MYH3: variants seen among roughly 807,000 people sequenced by gnomAD.
The protein encoded by MYH3 is myosin-3.
MYH3 carries 130 observed loss-of-function variants against 238.0 expected under a neutral mutation model. The observed-to-expected ratio is 0.55, with a 90% CI of 0.47 to 0.63. The LOEUF is 0.63. Among genes scored for constraint, MYH3 ranks in the 30% least tolerant of loss-of-function variants. The probability of loss-of-function intolerance (pLI) is 0.00; values close to 1 mark genes in which losing one functional copy is unlikely to be tolerated. For missense variants in MYH3, 1,853 were observed against 2,374.9 expected (o/e 0.78, Z 4.57); for synonymous variants, 880 against 924.1 (o/e 0.95, Z 0.86).
chr17:10,636,962 G>A, intron 28 of MYH3, among the ~76,000 whole-genome samples: 1 of 151,850 alleles, frequency 6.6e-6, no homozygotes, highest in Non-Finnish European at 1.5e-5. Flanking sequence ...CATTGTCTTG[G>A]CTGTGACTGC....
chr17:10,655,318 C>A (rs557040774), intron 2 of MYH3, among the ~76,000 whole-genome samples: 1 of 152,318 alleles, frequency 6.6e-6, no homozygotes, highest in African/African-American at 2.4e-5. Flanking sequence ...CTATTTAACC[C>A]AAGCTCCTCA....
rs372498651 is a variant in MYH3 at position 10,630,782 on chromosome 17, A to G, written c.5287-324T>C. Among the ~76,000 whole-genome samples the G allele has an allele frequency of 5.3e-5, 8 of 151,880 alleles. 1 individual carries two copies. On this transcript the variant is annotated intron_variant, in intron 36 of 40. Transcript: ENST00000583535. ...AGGAGAGTTGCTTGAACCCAGGAGG[A>G]GGAGGTTGCAGTGAGCCGAGATCTC...
chr17:10,628,585 T>C lies in MYH3; in HGVS notation c.*68A>G. ...GAAAAAGAGTCACATGGACATTAAGTATCAATGGTCAGGAATCAAGAAAAT... is the reference window on the plus strand; with the variant it reads ...GAAAAAGAGTCACATGGACATTAAGCATCAATGGTCAGGAATCAAGAAAAT... On this transcript the variant is annotated 3_prime_UTR_variant, in exon 41 of 41. Coordinates refer to ENST00000583535, the MANE Select transcript of MYH3 (RefSeq NM_002470.4). 1 of 1,531,238 alleles carries C rather than the reference T, an allele frequency of 6.5e-7. No homozygotes were observed. Among genetic ancestry groups the C allele is most frequent in the Non-Finnish European group, 9.1e-7 (1 of 1,104,594 alleles). The allele number at this position is 1,531,238 out of a possible 1,614,324, so 94.9% of individuals were successfully genotyped here.
the MYH3 span, among the ~76,000 whole-genome samples, chr17:10,670,951 G>A: frequency 5.3e-5 from 8 of 152,188 alleles, no homozygotes; most frequent in East Asian, 1.9e-4. The surrounding 1 kb of genome is among the most constrained non-coding windows in gnomAD (Gnocchi z 7.0). Flanking sequence ...GTGCAGTGGC[G>A]CGATCTTGGC....
chr17:10,638,520 A>G (rs1176951651), intron 26 of MYH3, 88 bp from the exon 27 acceptor site: 1 of 1,540,032 alleles, frequency 6.5e-7, no homozygotes, highest in East Asian at 2.3e-5. Flanking sequence ...CCTTCCCATT[A>G]GACAAACTGA....
At chr17:10,675,984 C>T in the MYH3 span, 2 of 152,142 alleles carry the variant, frequency 1.3e-5, no homozygotes, top group East Asian at 1.9e-4. Flanking sequence ...AAATTATAAA[C>T]GAGTTTACAC....
In MYH3 at chr17:10,635,798, C is replaced by A. The variant is rs144799480; in HGVS notation, c.3912G>T (p.Arg1304Ser). The change falls in exon 29 of 41, where the codon AGG (arginine) becomes AGT (serine). Residue 1304 changes from arginine to serine, a missense_variant. Physicochemically the swap from Arg to Ser is moderately radical, Grantham distance 110 (BLOSUM62 -1). This residue lies in a region of MYH3 where 1,044 missense variants were observed against 1,192.6 expected (regional missense o/e 0.88). Coordinates refer to ENST00000583535, the MANE Select transcript of MYH3 (RefSeq NM_002470.4). ...TTTGCTGGGTAAAGGCTTGCTTGCT[C>A]CTGGAAAGTTGGGATACTATGCTTT... ...EKESIVSQLSRSKQAFTQQTE... is the reference protein window; with the variant it reads ...EKESIVSQLSSSKQAFTQQTE... The A allele has an allele frequency of 8.1e-5, 131 of 1,614,172 alleles. No homozygotes were observed. The highest frequency in any genetic ancestry group is 7.8e-5 in the Non-Finnish European group (92 of 1,180,028).
At chr17:10,641,655 C>T (rs2074273717) in intron 17 of MYH3, among the ~76,000 whole-genome samples, 1 of 152,004 alleles carries the variant, frequency 6.6e-6, no homozygotes, top group Non-Finnish European at 1.5e-5. Flanking sequence ...GCTGGGACTA[C>T]AGGCATATGC....
chr17:10,671,141 G>T, the MYH3 span, among the ~76,000 whole-genome samples: 3 of 152,096 alleles, frequency 2.0e-5, no homozygotes, highest in East Asian at 5.8e-4. Context: ...TGATCCGCCC[G>T]CCTTGGCTCC....
At position 10,632,695 on chromosome 17, in the gene MYH3, C is replaced by T. The variant is rs777029591; in HGVS notation, c.4737G>A (p.Glu1579=). 2.5e-6 allele frequency: 4 copies of T among 1,614,194 alleles called. No individual in the cohort carries two copies. Among genetic ancestry groups the T allele is most frequent in the Non-Finnish European group, 3.4e-6 (4 of 1,180,024 alleles). The change falls in exon 34 of 41, where the codon GAG becomes GAA. Residue 1579 remains glutamate, a synonymous_variant. Coordinates refer to ENST00000583535, the MANE Select transcript of MYH3 (RefSeq NM_002470.4). ...TCAGCTGCTCGATCTCTTCATCCTT[C>T]TCGGCGATCTTTCTATCAATTTCTG... The part of the protein sequence containing the change: ...VKSEIDRKIA[E]KDEEIEQLKR...
At chr17:10,651,989 C>T (rs2074380618) in intron 4 of MYH3, 1 of 394,184 alleles carries the variant, frequency 2.5e-6, no homozygotes, top group African/African-American at 2.1e-5. Context: ...GATCCACCCG[C>T]CTTACCCTCC....
At chr17:10,643,081 G>T in intron 14 of MYH3, 85 bp from the exon 15 acceptor site, 2 of 1,608,768 alleles carry the variant, frequency 1.2e-6, no homozygotes, top group Middle Eastern at 3.3e-4. Context: ...ATTGCCCCAG[G>T]TTCCTGTCAA....
rs200109349 is a variant in MYH3, at chr17:10,642,434, G to A, written c.1871C>T (p.Thr624Met). ...CCTCTTACCATCCGCCGTGGCAAAC[G>A]TGGCATAGAGGTGTGCCAGGAGCCT... The part of the protein sequence containing the change: ...SNRLLAHLYA[T>M]FATADADSGK... The change falls in exon 16 of 41, where the codon ACG becomes ATG. Residue 624 changes from threonine to methionine, a missense_variant. Physicochemically the swap from Thr to Met is moderately conservative, Grantham distance 81. Around this residue, in one of 3 missense-constraint regions of MYH3, gnomAD observed 678 missense variants for 1,058.9 expected, o/e 0.64. Transcript: ENST00000583535. The surrounding 1 kb of genome is among the most constrained non-coding windows in gnomAD (Gnocchi z 5.4). 23 of 1,614,218 alleles carry A rather than the reference G, an allele frequency of 1.4e-5. No homozygotes were observed. The Admixed American group carries it at 2.8e-4, about 20-fold the overall frequency.
rs953663993 is a variant in MYH3, at chr17:10,654,396, T to C, written c.204+465A>G. On this transcript the variant is annotated intron_variant, in intron 3 of 40. Transcript: ENST00000583535. This position sits in a 1 kb window ranked among gnomAD's most constrained non-coding sequence, Gnocchi z 4.5. ...GCTGCAGTGCTCATCCCCTTCATGATACAAGGAGGCTGCTATTTCACTGAG... is the reference window on the plus strand; with the variant it reads ...GCTGCAGTGCTCATCCCCTTCATGACACAAGGAGGCTGCTATTTCACTGAG... Among the ~76,000 whole-genome samples, 2 of 152,206 alleles carry C rather than the reference T, an allele frequency of 1.3e-5. No individual in the cohort carries two copies. Among genetic ancestry groups the C allele is most frequent in the Non-Finnish European group, 2.9e-5 (2 of 68,038 alleles).
chr17:10,652,609 CTTTTTTTTTTTTTTTT>C lies in MYH3; in HGVS notation c.205-62_205-47del, dbSNP rs149916956. ...TGCTTCACTAAGATGGTCTGCACGTCTTTTTTTTTTTTTTTTTTTTTTTTTTTTTTGAGACGGAGTC... is the reference window on the plus strand; with the variant it reads ...TGCTTCACTAAGATGGTCTGCACGTCTTTTTTTTTTTTTTGAGACGGAGTC... On this transcript the variant is annotated intron_variant, in intron 3 of 40. Transcript: ENST00000583535. 47,727 of 427,176 alleles carry C rather than the reference CTTTTTTTTTTTTTTTT, an allele frequency of 0.11. 1,058 individuals are homozygous for C. The highest frequency in any genetic ancestry group is 0.15 in the African/African-American group (3,562 of 23,800). The allele number at this position is 427,176 out of a possible 1,614,324, so 26.5% of individuals were successfully genotyped here.
At chr17:10,673,197 T>C in the MYH3 span, 8 of 152,188 alleles carry the variant, frequency 5.3e-5, no homozygotes, top group East Asian at 1.5e-3. Flanking sequence ...AGAGATGGGG[T>C]TTCACCATGT....
At chr17:10,670,658 A>T in the MYH3 span, among the ~76,000 whole-genome samples, 2 of 152,168 alleles carry the variant, frequency 1.3e-5, no homozygotes. The surrounding 1 kb of genome is among the most constrained non-coding windows in gnomAD (Gnocchi z 7.0). Flanking sequence ...ATTTAGGAAG[A>T]TGTGGAAAAT....
At chr17:10,663,810 C>T in the MYH3 span, among the ~76,000 whole-genome samples, 3 of 152,222 alleles carry the variant, frequency 2.0e-5, no homozygotes, top group Non-Finnish European at 4.4e-5. Flanking sequence ...CACCTGTAAT[C>T]CCAGCACTTT....
the MYH3 span, among the ~76,000 whole-genome samples, chr17:10,667,581 T>G: frequency 6.6e-6 from 1 of 151,296 alleles, no homozygotes; most frequent in African/African-American, 2.4e-5. Flanking sequence ...CTTGGGATGC[T>G]GAGGCAGGGG....
Sources: allele counts gnomAD v4.1 joint callset (sites outside exome capture counted in the v4.1 genomes callset), GRCh38; gene constraint gnomAD v4.1.1; regional missense constraint gnomAD v4.1.1; non-coding constraint Gnocchi (gnomAD v3.1); transcripts MANE v1.5; gene names NCBI Gene and HGNC (gene_info 2026-07-23, HGNC 2026-07-21).